The following CRADD variants were observed in gnomAD, a reference collection of about 807,000 sequenced individuals.
CRADD encodes death domain-containing protein CRADD.
CRADD carries 9 observed loss-of-function variants against 15.5 expected under a neutral mutation model. The ratio of observed to expected loss-of-function variants is 0.58; its 90% CI spans 0.35 to 1.01. The LOEUF (loss-of-function observed/expected upper bound fraction) is 1.01. Ranked by LOEUF, CRADD falls within the 50% of genes least tolerant of loss-of-function variation. The probability of loss-of-function intolerance (pLI) is 0.02; values close to 1 mark genes in which losing one functional copy is unlikely to be tolerated. For missense variants in CRADD, 227 were observed against 250.3 expected, an observed-to-expected ratio of 0.91 and a Z score of 0.63; for synonymous variants, 118 against 107.6, an observed-to-expected ratio of 1.10 and a Z score of -0.60.
intron 2 of CRADD, among the ~76,000 whole-genome samples, chr12:93,688,650 C>G (rs1418336430): frequency 6.6e-6 from 1 of 152,134 alleles, no homozygotes; most frequent in Non-Finnish European, 1.5e-5. Context: ...CTGACAATAA[C>G]TTGATGAGGG....
chr12:93,849,457 C>T (rs1958180249), intron 2 of CRADD: 4 of 152,510 alleles, frequency 2.6e-5, no homozygotes, highest in African/African-American at 7.2e-5. Context: ...GTTTCTGTAA[C>T]AGGCAGGGTG....
intron 2 of CRADD, among the ~76,000 whole-genome samples, chr12:93,726,072 C>G (rs1313949387): frequency 2.1e-5 from 3 of 145,006 alleles, no homozygotes; most frequent in African/African-American, 7.6e-5. Flanking sequence ...TGTTCATGAA[C>G]TGGTGAAGAG....
At chr12:93,773,813 GTTTT>G (rs3030268) in intron 2 of CRADD, among the ~76,000 whole-genome samples, 9 of 87,562 alleles carry the variant, frequency 1.0e-4, no homozygotes, top group African/African-American at 4.2e-4. Context: ...TACTTTGTGA[GTTTT>G]TTTTTTTTTT....
At chr12:93,875,051 T>G (rs1386501946) in intron 2 of CRADD, among the ~76,000 whole-genome samples, 1 of 152,124 alleles carries the variant, frequency 6.6e-6, no homozygotes, top group Non-Finnish European at 1.5e-5. Context: ...TATTATGATC[T>G]ATCTCTCCCT....
intron 2 of CRADD, among the ~76,000 whole-genome samples, chr12:93,712,383 AT>A (rs1956089927): frequency 6.6e-6 from 1 of 152,228 alleles, no homozygotes; most frequent in African/African-American, 2.4e-5. Flanking sequence ...GCATTTACAT[AT>A]CTTTTTTACA....
chr12:93,842,423 C>A (rs978255082), intron 2 of CRADD, among the ~76,000 whole-genome samples: 25 of 152,018 alleles, frequency 1.6e-4, no homozygotes, highest in African/African-American at 5.6e-4. Flanking sequence ...GATGGTGAGT[C>A]GGGAACTTGA....
At chr12:93,874,087 A>G (rs976886647) in intron 2 of CRADD, among the ~76,000 whole-genome samples, 3 of 151,924 alleles carry the variant, frequency 2.0e-5, no homozygotes, top group Non-Finnish European at 4.4e-5. Flanking sequence ...GCTTTTCTTT[A>G]CTGGGAGACT....
At chr12:93,832,895 G>A (rs528849485) in intron 2 of CRADD, among the ~76,000 whole-genome samples, 1 of 152,186 alleles carries the variant, frequency 6.6e-6, no homozygotes, top group Non-Finnish European at 1.5e-5. Context: ...ACTTACAATA[G>A]TTATCTGAGC....
chr12:93,750,680 T>G (rs577546956), intron 2 of CRADD, among the ~76,000 whole-genome samples: 1 of 152,326 alleles, frequency 6.6e-6, no homozygotes. Flanking sequence ...ATATGTGTCT[T>G]TGCCATGCTC....
At chr12:93,709,798 C>G (rs531885827) in intron 2 of CRADD, among the ~76,000 whole-genome samples, 29 of 152,246 alleles carry the variant, frequency 1.9e-4, no homozygotes, top group Admixed American at 4.6e-4. Flanking sequence ...ATTGCTGGGT[C>G]GAATGGTAGT....
At chr12:93,866,740 A>G (rs1471392548) in intron 2 of CRADD, among the ~76,000 whole-genome samples, 1 of 152,220 alleles carries the variant, frequency 6.6e-6, no homozygotes, top group Non-Finnish European at 1.5e-5. Flanking sequence ...TCCTAATATC[A>G]GCATCTTTAG....
chr12:93,826,242 A>G (rs1957822204), intron 2 of CRADD, among the ~76,000 whole-genome samples: 1 of 152,252 alleles, frequency 6.6e-6, no homozygotes, highest in Non-Finnish European at 1.5e-5. Flanking sequence ...AAAACTATCA[A>G]TGCTAAATAA....
At chr12:93,884,461 A>G (rs1289745767) in intron 2 of CRADD, among the ~76,000 whole-genome samples, 1 of 152,176 alleles carries the variant, frequency 6.6e-6, no homozygotes, top group Non-Finnish European at 1.5e-5. Context: ...TGCTGGTCCC[A>G]GATGAAGCCT....
chr12:93,861,999 T>C (rs1958323417), intron 2 of CRADD, among the ~76,000 whole-genome samples: 1 of 152,132 alleles, frequency 6.6e-6, no homozygotes, highest in African/African-American at 2.4e-5. Context: ...TTTCATGAGA[T>C]CTGATGGTTG....
chr12:93,855,831 T>A (rs1372531095), intron 2 of CRADD, among the ~76,000 whole-genome samples: 1 of 152,140 alleles, frequency 6.6e-6, no homozygotes, highest in Non-Finnish European at 1.5e-5. Context: ...TTTCTTTTTC[T>A]TTTTTGAGAC....
intron 2 of CRADD, among the ~76,000 whole-genome samples, chr12:93,874,058 T>A (rs1482953932): frequency 1.3e-5 from 2 of 152,162 alleles, no homozygotes; most frequent in Non-Finnish European, 2.9e-5. Context: ...AATTCAGCAG[T>A]GAAGCCATTA....
intron 2 of CRADD, chr12:93,733,674 A>T (rs1268718247): frequency 6.6e-6 from 1 of 151,368 alleles, no homozygotes; most frequent in Admixed American, 6.6e-5. Context: ...CACATGCTGT[A>T]TGTCTTGCTT....
chr12:93,841,333 C>T (rs758839882), intron 2 of CRADD, among the ~76,000 whole-genome samples: 1 of 152,114 alleles, frequency 6.6e-6, no homozygotes, highest in Non-Finnish European at 1.5e-5. Context: ...CTGTAGTATC[C>T]TCATAAAATC....
chr12:93,713,196 G>A (rs928908936), intron 2 of CRADD, among the ~76,000 whole-genome samples: 9 of 151,996 alleles, frequency 5.9e-5, no homozygotes, highest in African/African-American at 2.2e-4. Flanking sequence ...AGGTCTGTGC[G>A]GTACTCTAGG....
Sources: gnomAD v4.1 joint callset for allele counts (sites outside exome capture counted in the v4.1 genomes callset) on GRCh38, gnomAD v4.1.1 for gene constraint, MANE v1.5 for transcripts, NCBI Gene and HGNC (gene_info 2026-07-23, HGNC 2026-07-21) for gene names.